The following CTDSPL variants were observed in gnomAD, a reference collection of about 807,000 sequenced individuals.
CTDSPL encodes CTD small phosphatase like, also known as CTD small phosphatase-like protein.
In CTDSPL, 8 loss-of-function variants were observed where a neutral mutation model predicts 30.5. That is an observed-to-expected ratio of 0.26 (90% CI 0.15 to 0.47). The LOEUF (loss-of-function observed/expected upper bound fraction) is 0.47, where lower values mean the gene tolerates loss of function less well. CTDSPL is among the 20% of genes least tolerant of loss of function. CTDSPL has a pLI of 0.99. For synonymous variants in CTDSPL, 110 were observed against 137.9 expected (o/e 0.80, Z 1.42); for missense variants, 248 against 366.1 (o/e 0.68, Z 2.63).
chr3:37,983,069 T>C lies in CTDSPL; in HGVS notation c.*2202T>C. The C allele has an allele frequency of 5.7e-6, 1 of 175,980 alleles. No homozygotes were observed. The highest frequency in any genetic ancestry group is 1.5e-4 in the East Asian group (1 of 6,534). 10.9% of individuals were successfully genotyped at this position (175,980 alleles called of 1,614,324 possible). ...CACTTGGCAGACTTGAGCCAGACAC[T>C]TCACCTAGTAGTTCCTGAAACTGTG... On this transcript the variant is annotated 3_prime_UTR_variant, in exon 8 of 8. Coordinates refer to ENST00000273179, the MANE Select transcript of CTDSPL (RefSeq NM_001008392.2).
At chr3:37,934,146 A>T (rs1698888038) in intron 1 of CTDSPL, among the ~76,000 whole-genome samples, 1 of 151,676 alleles carries the variant, frequency 6.6e-6, no homozygotes, top group Admixed American at 6.6e-5. Flanking sequence ...ACATATGGAA[A>T]CCCTCTCTCT....
At chr3:37,947,412 T>A (rs1380530947) in intron 2 of CTDSPL, among the ~76,000 whole-genome samples, 1 of 151,924 alleles carries the variant, frequency 6.6e-6, no homozygotes, top group Non-Finnish European at 1.5e-5. Flanking sequence ...TACAAAAAAT[T>A]AGCTGGGCGT....
rs1430340930 is a variant in CTDSPL, at chr3:37,938,883, TG to T, written c.80-8173del. The stretch of plus-strand genomic sequence containing the variant: ...ACTTTCTTTCTAACCATATTTAATA[TG>T]AGATTTCATAGAAAAGACCTGAGTC... On this transcript the variant is annotated intron_variant, in intron 1 of 7. Coordinates refer to ENST00000273179, the MANE Select transcript of CTDSPL (RefSeq NM_001008392.2). Among the ~76,000 whole-genome samples, 2 of 149,748 alleles carry T rather than the reference TG, an allele frequency of 1.3e-5. 1 individual carries two copies. Among genetic ancestry groups the T allele is most frequent in the Non-Finnish European group, 3.0e-5 (2 of 66,872 alleles).
intron 1 of CTDSPL, among the ~76,000 whole-genome samples, chr3:37,928,844 AATC>A (rs1698816728): frequency 6.6e-6 from 1 of 152,122 alleles, no homozygotes; most frequent in South Asian, 2.1e-4. Flanking sequence ...ATATCCAAGA[AATC>A]ATTGCTAAGA....
At chr3:37,863,395 G>T (rs1487856433) in intron 1 of CTDSPL, among the ~76,000 whole-genome samples, 7 of 152,150 alleles carry the variant, frequency 4.6e-5, no homozygotes, top group Non-Finnish European at 2.9e-5. Context: ...TAGAGACTTG[G>T]CGTGTCCCCC....
At chr3:37,898,397 A>T (rs1258293726) in intron 1 of CTDSPL, among the ~76,000 whole-genome samples, 1 of 152,222 alleles carries the variant, frequency 6.6e-6, no homozygotes, top group Non-Finnish European at 1.5e-5. Context: ...AAAGCCACAT[A>T]TCATGTCCAA....
chr3:37,946,985 G>A, intron 1 of CTDSPL, 72 bp from the exon 2 acceptor site: 1 of 1,488,552 alleles, frequency 6.7e-7, no homozygotes, highest in African/African-American at 1.4e-5. Context: ...TGCACACTCA[G>A]ATTTTTGCAT....
chr3:37,962,396 G>A (rs115410750), intron 3 of CTDSPL, among the ~76,000 whole-genome samples: 1,569 of 152,326 alleles, frequency 0.01, 12 homozygotes, highest in Non-Finnish European at 0.016. Context: ...GTTCCCTGCA[G>A]CACAAATTAA....
chr3:37,971,563 C>G, intron 6 of CTDSPL, 64 bp downstream of exon 6: 3 of 1,444,494 alleles, frequency 2.1e-6, no homozygotes, highest in African/African-American at 2.8e-5. Flanking sequence ...ACCCCTACCC[C>G]CAATCTGTCA....
chr3:37,929,060 G>A (rs1698819101), intron 1 of CTDSPL, among the ~76,000 whole-genome samples: 1 of 152,078 alleles, frequency 6.6e-6, no homozygotes, highest in African/African-American at 2.4e-5. Context: ...TGCAGTCTTG[G>A]CATCCTTGTC....
chr3:37,865,258 T>C (rs1180845747), intron 1 of CTDSPL, among the ~76,000 whole-genome samples: 2 of 152,224 alleles, frequency 1.3e-5, no homozygotes, highest in Admixed American at 6.5e-5. Context: ...AAATTTCCTC[T>C]TACACATTAA....
At chr3:37,924,184 G>A (rs901252814) in intron 1 of CTDSPL, among the ~76,000 whole-genome samples, 4 of 152,174 alleles carry the variant, frequency 2.6e-5, no homozygotes, top group African/African-American at 9.7e-5. Flanking sequence ...TCAAACTAAG[G>A]CTGTTAACAT....
At chr3:37,958,390 CAG>C (rs1426061673) in intron 3 of CTDSPL, among the ~76,000 whole-genome samples, 1 of 152,168 alleles carries the variant, frequency 6.6e-6, no homozygotes, top group African/African-American at 2.4e-5. Flanking sequence ...AGATGCTCAG[CAG>C]AGTTAATACC....
At chr3:37,961,708 G>T (rs967509512) in intron 3 of CTDSPL, among the ~76,000 whole-genome samples, 1 of 152,144 alleles carries the variant, frequency 6.6e-6, no homozygotes, top group Non-Finnish European at 1.5e-5. Context: ...CCCCTCCTGC[G>T]TTAGGCCCTG....
intron 1 of CTDSPL, among the ~76,000 whole-genome samples, chr3:37,874,007 C>A (rs1219667951): frequency 6.6e-6 from 1 of 152,204 alleles, no homozygotes; most frequent in Non-Finnish European, 1.5e-5. Flanking sequence ...CACTTTGTTT[C>A]TCAGTTAAGG....
At chr3:37,918,624 T>A (rs1262004657) in intron 1 of CTDSPL, among the ~76,000 whole-genome samples, 1 of 152,218 alleles carries the variant, frequency 6.6e-6, no homozygotes, top group Non-Finnish European at 1.5e-5. Flanking sequence ...TGATTTAATA[T>A]GATAACAGAC....
chr3:37,980,171 G>A (rs1182203762), intron 7 of CTDSPL, among the ~76,000 whole-genome samples: 2 of 152,138 alleles, frequency 1.3e-5, no homozygotes, highest in African/African-American at 4.8e-5. Context: ...CTAAAACTAA[G>A]GGAAAATCCT....
At chr3:37,909,534 G>A (rs970061389) in intron 1 of CTDSPL, among the ~76,000 whole-genome samples, 1 of 152,220 alleles carries the variant, frequency 6.6e-6, no homozygotes, top group African/African-American at 2.4e-5. Flanking sequence ...GGCAGTGACT[G>A]TGCTTCTTGT....
At chr3:37,870,728 T>C (rs1698062649) in intron 1 of CTDSPL, among the ~76,000 whole-genome samples, 1 of 152,236 alleles carries the variant, frequency 6.6e-6, no homozygotes, top group Non-Finnish European at 1.5e-5. Context: ...CTACCTTAGC[T>C]GTGTCCCACG....
Sources: allele counts gnomAD v4.1 joint callset (sites outside exome capture counted in the v4.1 genomes callset), GRCh38; gene constraint gnomAD v4.1.1; transcripts MANE v1.5; gene names NCBI Gene and HGNC (gene_info 2026-07-23, HGNC 2026-07-21).